Variants in TENM2 observed in about 807,000 individuals in gnomAD.
The protein encoded by TENM2 is teneurin transmembrane protein 2, also known as teneurin-2.
A neutral mutation model predicts 245.2 loss-of-function variants in TENM2; 52 were observed. The ratio of observed to expected loss-of-function variants is 0.21; its 90% CI spans 0.17 to 0.27. TENM2 has a LOEUF of 0.27. Ranked by LOEUF, TENM2 falls within the 10% of genes least tolerant of loss-of-function variation. The pLI, the probability that TENM2 is intolerant of heterozygous loss-of-function variation, is 1.00. For missense variants in TENM2, 3,046 were observed against 3,666.8 expected (o/e 0.83, Z 4.37); for synonymous variants, 1,363 against 1,438.9 (o/e 0.95, Z 1.19).
the TENM2 span, among the ~76,000 whole-genome samples, chr5:167,040,689 A>G: frequency 6.6e-6 from 1 of 152,208 alleles, no homozygotes; most frequent in African/African-American, 2.4e-5. Context: ...AGGGAAAAAT[A>G]TATTTCCATA....
intron 8 of TENM2, among the ~76,000 whole-genome samples, chr5:168,094,562 T>C (rs1424750468): frequency 6.6e-6 from 1 of 152,032 alleles, no homozygotes; most frequent in African/African-American, 2.4e-5. Flanking sequence ...ATCCACATGT[T>C]CTACAGCAGG....
chr5:167,073,438 A>G, the TENM2 span, among the ~76,000 whole-genome samples: 1 of 152,182 alleles, frequency 6.6e-6, no homozygotes, highest in Non-Finnish European at 1.5e-5. Context: ...GCTTTCATAC[A>G]GGGCACAAAA....
chr5:167,242,954 C>A, the TENM2 span, among the ~76,000 whole-genome samples: 1 of 151,368 alleles, frequency 6.6e-6, no homozygotes, highest in East Asian at 1.9e-4. Context: ...TAGAATCTTT[C>A]AGAAGGAGTA....
intron 1 of TENM2, among the ~76,000 whole-genome samples, chr5:167,317,892 G>A (rs940273006): frequency 1.3e-5 from 2 of 152,120 alleles, no homozygotes; most frequent in Non-Finnish European, 2.9e-5. Flanking sequence ...ATAAATAAAT[G>A]CATGAAAATA....
intron 2 of TENM2, among the ~76,000 whole-genome samples, chr5:167,634,663 T>C (rs1426135036): frequency 9.9e-5 from 15 of 151,590 alleles, no homozygotes; most frequent in Non-Finnish European, 2.1e-4. Flanking sequence ...AAAGCTTCTT[T>C]TTTTTTTTTA....
chr5:167,186,046 A>G, the TENM2 span, among the ~76,000 whole-genome samples: 2 of 152,154 alleles, frequency 1.3e-5, no homozygotes, highest in African/African-American at 4.8e-5. Flanking sequence ...GGGCATTTAT[A>G]ATTTAGGGTA....
intron 2 of TENM2, among the ~76,000 whole-genome samples, chr5:167,548,185 A>T (rs1772689602): frequency 6.6e-6 from 1 of 152,222 alleles, no homozygotes; most frequent in Admixed American, 6.5e-5. Flanking sequence ...TAGTCAGATG[A>T]AAGGTGCTTT....
At chr5:168,133,573 ATACAGC>A (rs1202952281) in intron 12 of TENM2, among the ~76,000 whole-genome samples, 1 of 152,230 alleles carries the variant, frequency 6.6e-6, no homozygotes, top group Non-Finnish European at 1.5e-5. Context: ...CAAGGGACAG[ATACAGC>A]AGAGTGCTGC....
intron 28 of TENM2, among the ~76,000 whole-genome samples, chr5:168,261,269 G>A (rs1236815788): frequency 6.6e-6 from 1 of 152,178 alleles, no homozygotes; most frequent in East Asian, 1.9e-4. Flanking sequence ...TCAAGGCCAA[G>A]GAGATAATGG....
chr5:168,203,926 T>C, intron 18 of TENM2, 94 bp downstream of exon 20: 1 of 1,122,270 alleles, frequency 8.9e-7, no homozygotes, highest in Non-Finnish European at 1.2e-6. Context: ...CACCTCCCCT[T>C]CCCTGGGTCA....
intron 5 of TENM2, among the ~76,000 whole-genome samples, chr5:168,031,365 T>C (rs1385823232): frequency 6.6e-6 from 1 of 152,218 alleles, no homozygotes; most frequent in Non-Finnish European, 1.5e-5. Context: ...AATTTAGGAA[T>C]GGGCTATTTG....
chr5:167,731,442 C>A (rs1760430419), intron 2 of TENM2, among the ~76,000 whole-genome samples: 1 of 152,052 alleles, frequency 6.6e-6, no homozygotes, highest in African/African-American at 2.4e-5. Context: ...ATTCTTTGAT[C>A]TTTATCTTAC....
intron 2 of TENM2, among the ~76,000 whole-genome samples, chr5:167,578,474 T>G (rs1189676344): frequency 6.6e-6 from 1 of 152,226 alleles, no homozygotes; most frequent in Non-Finnish European, 1.5e-5. Context: ...CATGCCCTCA[T>G]TAGACAGGGA....
At chr5:167,032,072 A>G in the TENM2 span, among the ~76,000 whole-genome samples, 2 of 152,166 alleles carry the variant, frequency 1.3e-5, no homozygotes, top group Non-Finnish European at 2.9e-5. Flanking sequence ...TCGGAATTCC[A>G]CAGAGAACCC....
intron 4 of TENM2, among the ~76,000 whole-genome samples, chr5:167,972,863 G>A (rs1037307812): frequency 2.0e-5 from 3 of 152,206 alleles, no homozygotes; most frequent in South Asian, 2.1e-4. Context: ...GCCAGATATA[G>A]TATGAGAAAC....
At chr5:167,300,030 A>C (rs1755216175) in intron 1 of TENM2, among the ~76,000 whole-genome samples, 1 of 152,208 alleles carries the variant, frequency 6.6e-6, no homozygotes, top group Admixed American at 6.5e-5. Context: ...CATGAGGGCT[A>C]GGCTAAAACA....
intron 2 of TENM2, chr5:167,755,289 C>G (rs1428504050): frequency 1.2e-6 from 1 of 847,008 alleles, no homozygotes. Context: ...TCAGCGGATA[C>G]CAAGGGAGAG....
intron 24 of TENM2, among the ~76,000 whole-genome samples, 189 bp from the exon 27 acceptor site, chr5:168,227,706 G>T (rs1033527459): frequency 6.6e-6 from 1 of 151,854 alleles, no homozygotes. Flanking sequence ...TTTTCTTTAC[G>T]TGGATCAGTA....
At chr5:167,270,673 T>C in the TENM2 span, among the ~76,000 whole-genome samples, 2 of 152,138 alleles carry the variant, frequency 1.3e-5, no homozygotes, top group African/African-American at 2.4e-5. Context: ...GGCAACTGCA[T>C]TGGATTGAAG....
Sources: gnomAD v4.1 joint callset for allele counts (sites outside exome capture counted in the v4.1 genomes callset) on GRCh38, gnomAD v4.1.1 for gene constraint, MANE v1.5 for transcripts, NCBI Gene and HGNC (gene_info 2026-07-23, HGNC 2026-07-21) for gene names.